Variants in FMN2 observed in about 807,000 individuals in gnomAD.
FMN2 encodes formin 2, also known as formin-2.
In FMN2, 51 loss-of-function variants were observed where a neutral mutation model predicts 142.3. The ratio of observed to expected loss-of-function variants is 0.36; its 90% confidence interval spans 0.29 to 0.45. The LOEUF (loss-of-function observed/expected upper bound fraction) is 0.45, where lower values mean the gene tolerates loss of function less well. FMN2 is among the 20% of genes least tolerant of loss of function. The pLI is 1.00. For synonymous variants in FMN2, 882 were observed against 869.8 expected (o/e 1.01, Z -0.25); for missense variants, 1,936 against 2,122.8 (o/e 0.91, Z 1.73).
intron 2 of FMN2, among the ~76,000 whole-genome samples, chr1:240,149,684 C>G (rs1363075820): frequency 1.3e-5 from 2 of 152,174 alleles, no homozygotes; most frequent in African/African-American, 4.8e-5. Context: ...CTGCCCTCTG[C>G]TGGTCATTTC....
intron 8 of FMN2, among the ~76,000 whole-genome samples, chr1:240,299,781 C>G (rs1294246151): frequency 6.6e-6 from 1 of 151,960 alleles, no homozygotes; most frequent in Non-Finnish European, 1.5e-5. Context: ...TCAGTTTATA[C>G]TAGATAATGC....
intron 8 of FMN2, among the ~76,000 whole-genome samples, chr1:240,320,870 C>T (rs751082296): frequency 1.3e-5 from 2 of 152,112 alleles, no homozygotes; most frequent in South Asian, 2.1e-4. Context: ...GCAAAAGCAG[C>T]GGTAGGTAAA....
intron 1 of FMN2, among the ~76,000 whole-genome samples, chr1:240,109,591 A>C (rs1461741250): frequency 1.3e-5 from 2 of 152,134 alleles, no homozygotes; most frequent in Admixed American, 1.3e-4. Context: ...TCTTCAAGAA[A>C]AAGTGCCTAC....
At chr1:240,171,958 T>G (rs1309690043) in intron 2 of FMN2, among the ~76,000 whole-genome samples, 1 of 152,160 alleles carries the variant, frequency 6.6e-6, no homozygotes, top group Non-Finnish European at 1.5e-5. Flanking sequence ...CTGAAGAATT[T>G]AAGGATGTGG....
intron 8 of FMN2, among the ~76,000 whole-genome samples, chr1:240,305,351 A>G (rs1670348850): frequency 1.3e-5 from 2 of 152,198 alleles, no homozygotes; most frequent in Non-Finnish European, 1.5e-5. Context: ...TTTTGCTGAG[A>G]AAGAAACTCA....
intron 2 of FMN2, among the ~76,000 whole-genome samples, chr1:240,165,425 C>T (rs1664440463): frequency 6.6e-6 from 1 of 152,106 alleles, no homozygotes; most frequent in Admixed American, 6.6e-5. Flanking sequence ...ATCCTCCCAA[C>T]TCGACCTCCC....
At chr1:240,134,105 C>T (rs1243150095) in intron 2 of FMN2, among the ~76,000 whole-genome samples, 1 of 152,198 alleles carries the variant, frequency 6.6e-6, no homozygotes, top group Non-Finnish European at 1.5e-5. Context: ...CAATGTCTAG[C>T]ACATCATCAA....
chr1:240,233,118 C>T (rs1390476007), intron 6 of FMN2, among the ~76,000 whole-genome samples: 2 of 152,202 alleles, frequency 1.3e-5, no homozygotes, highest in East Asian at 1.9e-4. Context: ...TGGTGGCTCA[C>T]TCCTGTAATC....
chr1:240,130,773 G>A (rs752698676), intron 2 of FMN2, among the ~76,000 whole-genome samples: 1 of 152,090 alleles, frequency 6.6e-6, no homozygotes, highest in Non-Finnish European at 1.5e-5. Flanking sequence ...TTTTCCCCCT[G>A]TATTCTCAAT....
At chr1:240,215,495 T>G (rs1666861223) in intron 6 of FMN2, among the ~76,000 whole-genome samples, 1 of 151,598 alleles carries the variant, frequency 6.6e-6, no homozygotes, top group Non-Finnish European at 1.5e-5. Context: ...CCTAATTAAG[T>G]GATAATTATG....
intron 8 of FMN2, among the ~76,000 whole-genome samples, chr1:240,301,058 A>G (rs2102972404): frequency 6.6e-6 from 1 of 151,438 alleles, no homozygotes; most frequent in East Asian, 1.9e-4. Flanking sequence ...CATTTATTGT[A>G]ATTGTTGTTA....
intron 1 of FMN2, among the ~76,000 whole-genome samples, chr1:240,106,224 A>C (rs934405873): frequency 1.3e-5 from 2 of 152,098 alleles, no homozygotes; most frequent in African/African-American, 4.8e-5. Context: ...CCTTCATATG[A>C]TCTTCTTCCA....
chr1:240,323,614 T>G (rs1671055919), intron 8 of FMN2, among the ~76,000 whole-genome samples: 1 of 152,192 alleles, frequency 6.6e-6, no homozygotes, highest in South Asian at 2.1e-4. Flanking sequence ...TGAAAGATCT[T>G]TCTAATATTC....
intron 2 of FMN2, among the ~76,000 whole-genome samples, chr1:240,138,793 T>C (rs139037998): frequency 3.9e-5 from 6 of 152,360 alleles, no homozygotes; most frequent in African/African-American, 1.2e-4. Flanking sequence ...GTTGCACTAG[T>C]ACAAGAATTG....
intron 6 of FMN2, among the ~76,000 whole-genome samples, chr1:240,244,567 A>G (rs1157537347): frequency 6.6e-6 from 1 of 152,218 alleles, no homozygotes; most frequent in Non-Finnish European, 1.5e-5. Flanking sequence ...ACTTTCTACT[A>G]TGTCTTGATA....
At chr1:240,322,657 A>G (rs1043681475) in intron 8 of FMN2, among the ~76,000 whole-genome samples, 2 of 152,106 alleles carry the variant, frequency 1.3e-5, no homozygotes, top group African/African-American at 4.8e-5. Context: ...CAGTTCCCCC[A>G]TGAAGTGACT....
intron 7 of FMN2, among the ~76,000 whole-genome samples, chr1:240,288,371 T>G (rs1344804106): frequency 6.6e-6 from 1 of 152,190 alleles, no homozygotes; most frequent in African/African-American, 2.4e-5. Context: ...CACTTTTTCT[T>G]TCCACTGAAT....
intron 13 of FMN2, among the ~76,000 whole-genome samples, chr1:240,353,227 T>C (rs1672155967): frequency 6.6e-6 from 1 of 152,240 alleles, no homozygotes. Flanking sequence ...CTACTGTTTT[T>C]TGTGCATGTA....
intron 3 of FMN2, chr1:240,179,768 G>A (rs1665075962): frequency 6.5e-6 from 1 of 153,228 alleles, no homozygotes; most frequent in Non-Finnish European, 1.5e-5. Flanking sequence ...AAAATACTTA[G>A]GGGTAGATAT....
Sources: allele counts gnomAD v4.1 joint callset (sites outside exome capture counted in the v4.1 genomes callset), GRCh38; gene constraint gnomAD v4.1.1; transcripts MANE v1.5; gene names NCBI Gene and HGNC (gene_info 2026-07-23, HGNC 2026-07-21).